The following GPR17 variants were observed in gnomAD, a reference collection of about 807,000 sequenced individuals.
GPR17 encodes uracil nucleotide/cysteinyl leukotriene receptor.
A neutral mutation model predicts 1.5 loss-of-function variants in GPR17; 4 were observed. The observed-to-expected ratio is 2.73, with a 90% confidence interval of 1.35 to 6.25. The LOEUF is 6.25. Ranked by LOEUF, GPR17 falls within the 30% of genes most tolerant of loss-of-function variation. The pLI, the probability that GPR17 is intolerant of heterozygous loss-of-function variation, is 0.00. For synonymous variants in GPR17, 209 were observed against 207.6 expected (o/e 1.01, Z -0.06); for missense variants, 463 against 462.1 (o/e 1.00, Z -0.02).
At position 127,651,255 on chromosome 2, in the gene GPR17, C is replaced by A. The variant is rs1683746875; in HGVS notation, c.520C>A (p.Gln174Lys). ...APLLVSPQTV[Q>K]TNHTVVCLQL... ...GCTGCTGGTGAGCCCACAGACCGTG[C>A]AGACCAACCACACGGTGGTCTGCCT... Residue 174 changes from glutamine to lysine, a missense_variant, in exon 2 of 2, where the codon CAG becomes AAG. Physicochemically the swap from Gln to Lys is moderately conservative, Grantham distance 53. Transcript: ENST00000486700. The A allele has an allele frequency of 1.2e-6, 2 of 1,606,230 alleles. No individual in the cohort carries two copies. Among genetic ancestry groups the A allele is most frequent in the East Asian group, 4.5e-5 (2 of 44,876 alleles).
Position 127,651,269 on chromosome 2 carries a change from G to A in GPR17, c.534G>A (p.Thr178=), listed in dbSNP as rs6708099. Residue 178 remains threonine, a synonymous_variant, in exon 2 of 2, where the codon ACG becomes ACA. Coordinates refer to ENST00000486700, the MANE Select transcript of GPR17 (RefSeq NM_001161417.2). ...VSPQTVQTNH[T]VVCLQLYREK... is the part of the protein sequence containing the mutation. ...CACAGACCGTGCAGACCAACCACACGGTGGTCTGCCTGCAGCTGTACCGGG... is the reference window on the plus strand; with the variant it reads ...CACAGACCGTGCAGACCAACCACACAGTGGTCTGCCTGCAGCTGTACCGGG... 4.0e-3 allele frequency: 6,469 copies of A among 1,606,540 alleles called. 213 individuals are homozygous for A. The African/African-American group carries it at 0.072, about 18-fold the overall frequency.
intron 1 of GPR17, 101 bp from the exon 2 acceptor site, chr2:127,650,615 G>A (rs1357275656): frequency 3.6e-5 from 28 of 787,498 alleles, no homozygotes; most frequent in Non-Finnish European, 5.2e-5. Context: ...CTTGAAAGTG[G>A]GAGGTTCTGA....
intron 1 of GPR17, chr2:127,650,017 C>T (rs1683560587): frequency 6.2e-7 from 1 of 1,608,292 alleles, no homozygotes; most frequent in Non-Finnish European, 8.5e-7. Flanking sequence ...TCAGGATGTC[C>T]AAACGGAGTT....
chr2:127,649,098 GAAAAGAA>G (rs1406946961), intron 1 of GPR17, among the ~76,000 whole-genome samples: 1 of 125,390 alleles, frequency 8.0e-6, no homozygotes, highest in Non-Finnish European at 1.8e-5. Flanking sequence ...AAAGAAAAAA[GAAAAGAA>G]AAAAGGAAAA....
At chr2:127,649,165 TAGGAAGGAAGGAAGGAAGGAAGGA>T (rs376330379) in intron 1 of GPR17, among the ~76,000 whole-genome samples, 14 of 134,344 alleles carry the variant, frequency 1.0e-4, no homozygotes, top group African/African-American at 3.5e-4. Flanking sequence ...GAGAGGAAGG[TAGGAAGGAAGGAAGGAAGGAAGGA>T]AGGAAGGAAG....
chr2:127,651,601 A>G lies in GPR17; in HGVS notation c.866A>G (p.Asn289Ser), dbSNP rs1313863518. 3 of 1,613,472 alleles carry G rather than the reference A, an allele frequency of 1.9e-6. No homozygotes were observed. The highest frequency in any genetic ancestry group is 1.7e-6 in the Non-Finnish European group (2 of 1,180,020). Reference protein sequence around the residue: ...NRITSCLTSLNGALDPIMYFF... With the variant: ...NRITSCLTSLSGALDPIMYFF... ...ATCACCTCCTGCCTCACCAGCCTCA[A>G]CGGGGCACTCGACCCCATCATGTAT... Residue 289 changes from asparagine (N) to serine (S), a missense_variant, in exon 2 of 2, where the codon AAC (asparagine) becomes AGC (serine). Physicochemically the swap from Asn to Ser is conservative, Grantham distance 46 (BLOSUM62 1). Coordinates refer to ENST00000486700, the MANE Select transcript of GPR17 (RefSeq NM_001161417.2).
rs1683092219 is a variant in GPR17, at chr2:127,647,262, C to T, written c.-21+1018C>T. 6.6e-6 allele frequency among the ~76,000 whole-genome samples: 1 copy of T among 152,178 alleles called. No individual in the cohort carries two copies. The highest frequency in any genetic ancestry group is 6.5e-5 in the Admixed American group (1 of 15,286). ...CCCAGGGCCAGGAGGGGGTGCTGAG[C>T]CTGGGAGACAACTCCATGGCAAACT... On this transcript the variant is annotated intron_variant, in intron 1 of 1. Transcript: ENST00000486700. This position sits in a 1 kb window ranked among gnomAD's most constrained non-coding sequence, Gnocchi z 4.3.
At chr2:127,648,080 T>C in intron 1 of GPR17, 1 of 985,630 alleles carries the variant, frequency 1.0e-6, no homozygotes, top group Non-Finnish European at 1.2e-6. Flanking sequence ...ACCGTGGTTT[T>C]AGCAGTCCTA....
intron 1 of GPR17, chr2:127,646,458 G>T: frequency 6.6e-6 from 1 of 152,456 alleles, no homozygotes; most frequent in Non-Finnish European, 1.5e-5. Context: ...TTGCAGAGGG[G>T]AAGTGGCTTG....
intron 1 of GPR17, chr2:127,650,515 G>GC (rs1366943696): frequency 8.6e-6 from 5 of 581,346 alleles, no homozygotes; most frequent in Non-Finnish European, 1.5e-5. Flanking sequence ...TTCTGCGTTT[G>GC]CCTTGTGCTG....
rs890683855 is a variant in GPR17, at chr2:127,646,190, G to A, written c.-75G>A. 1 of 152,300 alleles carries A rather than the reference G, an allele frequency of 6.6e-6. No homozygotes were observed. Among genetic ancestry groups the A allele is most frequent in the African/African-American group, 2.4e-5 (1 of 41,394 alleles). The allele number at this position is 152,300 out of a possible 1,614,324, so 9.4% of individuals were successfully genotyped here. On this transcript the variant is annotated 5_prime_UTR_variant, in exon 1 of 2. Coordinates refer to ENST00000486700, the MANE Select transcript of GPR17 (RefSeq NM_001161417.2). ...GCCACCACCGACACCCACGGGCGGA[G>A]ATCACCTGCTGCCCCGCAGACCCCT... is the stretch of plus-strand genomic sequence containing the variant.
chr2:127,650,567 A>G (rs558867451), intron 1 of GPR17, 149 bp from the exon 2 acceptor site: 56 of 619,236 alleles, frequency 9.0e-5, no homozygotes, highest in Non-Finnish European at 1.4e-4. Flanking sequence ...CCAAATGGAC[A>G]AGGAGGTCCC....
chr2:127,651,505 T>C lies in GPR17; in HGVS notation c.770T>C (p.Val257Ala), dbSNP rs947960502. 2 of 1,612,798 alleles carry C rather than the reference T, an allele frequency of 1.2e-6. No homozygotes were observed. Among genetic ancestry groups the C allele is most frequent in the Non-Finnish European group, 1.7e-6 (2 of 1,180,046 alleles). ...GTGCCCTACCACGTCAACCGCTCCG[T>C]CTACGTGCTGCACTACCGCAGCCAT... ...CFVPYHVNRS[V>A]YVLHYRSHGA... is the part of the protein sequence containing the mutation. The change falls in exon 2 of 2, where the codon GTC becomes GCC. Residue 257 changes from valine (V) to alanine (A), a missense_variant. Val to Ala is a moderately conservative substitution (Grantham distance 64). Coordinates refer to ENST00000486700, the MANE Select transcript of GPR17 (RefSeq NM_001161417.2).
intron 1 of GPR17, among the ~76,000 whole-genome samples, chr2:127,649,316 G>A (rs10178566): frequency 0.21 from 32,655 of 152,098 alleles, 4,101 homozygotes; most frequent in South Asian, 0.35. Context: ...GCTGTGGCCC[G>A]TGCCTCCTCC....
rs980915951 is a variant in GPR17 at position 127,647,526 on chromosome 2, G to C, written c.-21+1282G>C. Reference sequence around the variant, plus strand: ...AGTCGTACCTATGAGCTGCTCTCTCGTGGGGCCAGGTGATGCCTGCACTGT... The same window carrying C: ...AGTCGTACCTATGAGCTGCTCTCTCCTGGGGCCAGGTGATGCCTGCACTGT... On this transcript the variant is annotated intron_variant, in intron 1 of 1. Coordinates refer to ENST00000486700, the MANE Select transcript of GPR17 (RefSeq NM_001161417.2). This position sits in a 1 kb window ranked among gnomAD's most constrained non-coding sequence, Gnocchi z 4.3. Among the ~76,000 whole-genome samples, 1 of 152,124 alleles carries C rather than the reference G, an allele frequency of 6.6e-6. No homozygotes were observed. The highest frequency in any genetic ancestry group is 1.5e-5 in the Non-Finnish European group (1 of 68,012).
In GPR17 at chr2:127,647,711, AC is replaced by A. The variant is rs1683150905; in HGVS notation, c.-21+1469del. ...CACACACCTTCCTCCTCTCCTGCCA[AC>A]CTGAAAACAGCACACCTGTGTGCCC... On this transcript the variant is annotated intron_variant, in intron 1 of 1. Coordinates refer to ENST00000486700, the MANE Select transcript of GPR17 (RefSeq NM_001161417.2). This position sits in a 1 kb window ranked among gnomAD's most constrained non-coding sequence, Gnocchi z 4.3. Among the ~76,000 whole-genome samples the A allele has an allele frequency of 6.6e-6, 1 of 151,788 alleles. No individual in the cohort carries two copies. Among genetic ancestry groups the A allele is most frequent in the Non-Finnish European group, 1.5e-5 (1 of 67,906 alleles).
chr2:127,651,614 C>A lies in GPR17; in HGVS notation c.879C>A (p.Asp293Glu), dbSNP rs371368749. 1.2e-6 allele frequency: 2 copies of A among 1,613,596 alleles called. No individual in the cohort carries two copies. The highest frequency in any genetic ancestry group is 3.3e-5 in the Admixed American group (2 of 60,034). Residue 293 changes from aspartate (D) to glutamate (E), a missense_variant, in exon 2 of 2, where the codon GAC becomes GAA. Coordinates refer to ENST00000486700, the MANE Select transcript of GPR17 (RefSeq NM_001161417.2). ...TCACCAGCCTCAACGGGGCACTCGA[C>A]CCCATCATGTATTTCTTCGTGGCTG... Reference protein sequence around the residue: ...SCLTSLNGALDPIMYFFVAEK... With the variant: ...SCLTSLNGALEPIMYFFVAEK...
chr2:127,650,325 A>C, intron 1 of GPR17: 1 of 557,142 alleles, frequency 1.8e-6, no homozygotes, highest in East Asian at 3.0e-5. Context: ...GCCCCTCACC[A>C]CCCCTGTCAC....
In GPR17 at chr2:127,651,499, G is replaced by A. The variant is rs375757825; in HGVS notation, c.764G>A (p.Arg255His). ...LVCFVPYHVNRSVYVLHYRSH... is the reference protein window; with the variant it reads ...LVCFVPYHVNHSVYVLHYRSH... Reference sequence around the variant, plus strand: ...TGCTTCGTGCCCTACCACGTCAACCGCTCCGTCTACGTGCTGCACTACCGC... The same window carrying A: ...TGCTTCGTGCCCTACCACGTCAACCACTCCGTCTACGTGCTGCACTACCGC... Residue 255 changes from arginine (R) to histidine (H), a missense_variant, in exon 2 of 2, where the codon CGC becomes CAC. Transcript: ENST00000486700. The A allele has an allele frequency of 5.8e-5, 94 of 1,612,590 alleles. No homozygotes were observed. Among genetic ancestry groups the A allele is most frequent in the East Asian group, 1.3e-4 (6 of 44,892 alleles).
Sources: gnomAD v4.1 joint callset for allele counts (sites outside exome capture counted in the v4.1 genomes callset) on GRCh38, gnomAD v4.1.1 for gene constraint, Gnocchi (gnomAD v3.1) non-coding constraint, MANE v1.5 for transcripts, NCBI Gene and HGNC (gene_info 2026-07-23, HGNC 2026-07-21) for gene names.